CADM2: variants seen among roughly 807,000 people sequenced by gnomAD.
The protein encoded by CADM2 is immunoglobulin superfamily member 4D.
CADM2 carries 12 observed loss-of-function variants against 49.8 expected under a neutral mutation model. The observed-to-expected ratio is 0.24, with a 90% confidence interval of 0.15 to 0.39. The LOEUF is 0.39. Ranked by LOEUF, CADM2 falls within the 10% of genes least tolerant of loss-of-function variation. CADM2 has a pLI of 1.00. For missense variants in CADM2, 378 were observed against 492.3 expected (o/e 0.77, Z 2.20); for synonymous variants, 214 against 175.4 (o/e 1.22, Z -1.74).
intron 1 of CADM2, among the ~76,000 whole-genome samples, chr3:85,212,297 T>C (rs185867995): frequency 6.6e-6 from 1 of 152,280 alleles, no homozygotes. Context: ...AGTAAGGACA[T>C]ACTCCTGCCA....
At chr3:85,629,135 A>G (rs1576970817) in intron 1 of CADM2, among the ~76,000 whole-genome samples, 1 of 151,852 alleles carries the variant, frequency 6.6e-6, no homozygotes, top group South Asian at 2.1e-4. Context: ...CAGCTATTAT[A>G]TATGGTCATA....
chr3:85,003,174 A>C (rs1468180025), intron 1 of CADM2, among the ~76,000 whole-genome samples: 2 of 151,488 alleles, frequency 1.3e-5, no homozygotes, highest in African/African-American at 4.8e-5. Flanking sequence ...AAAAGGCCAA[A>C]TACTAAAAAT....
intron 1 of CADM2, among the ~76,000 whole-genome samples, chr3:85,143,138 A>G (rs2039627040): frequency 6.6e-6 from 1 of 152,184 alleles, no homozygotes; most frequent in Admixed American, 6.5e-5. Flanking sequence ...TTTAAAAAGT[A>G]TTTAGTATTA....
intron 8 of CADM2, among the ~76,000 whole-genome samples, chr3:85,977,411 T>C (rs550299610): frequency 2.0e-5 from 3 of 151,608 alleles, no homozygotes; most frequent in African/African-American, 7.2e-5. Flanking sequence ...TTCATAAATT[T>C]GATATACTTG....
intron 6 of CADM2, among the ~76,000 whole-genome samples, chr3:85,935,156 A>G (rs1289577049): frequency 3.9e-5 from 6 of 152,126 alleles, no homozygotes; most frequent in Non-Finnish European, 4.4e-5. Flanking sequence ...TCTAACAAAC[A>G]TGCAGTAGCA....
intron 1 of CADM2, among the ~76,000 whole-genome samples, chr3:85,235,460 T>C (rs1332165009): frequency 6.6e-6 from 1 of 152,134 alleles, no homozygotes; most frequent in Non-Finnish European, 1.5e-5. Context: ...ATTATAAATG[T>C]TCATGCTGTA....
chr3:85,615,049 A>T (rs933916408), intron 1 of CADM2, among the ~76,000 whole-genome samples: 2 of 151,904 alleles, frequency 1.3e-5, no homozygotes, highest in Non-Finnish European at 2.9e-5. Flanking sequence ...AAAATGTAAA[A>T]CTGAATGTGC....
At chr3:85,730,474 TAAA>T (rs2067884215) in intron 2 of CADM2, among the ~76,000 whole-genome samples, 1 of 137,736 alleles carries the variant, frequency 7.3e-6, no homozygotes, top group Non-Finnish European at 1.6e-5. Flanking sequence ...TAAAATAAAA[TAAA>T]ATATAAAAAA....
chr3:85,974,162 A>G (rs1559776443), intron 8 of CADM2, among the ~76,000 whole-genome samples: 1 of 151,732 alleles, frequency 6.6e-6, no homozygotes, highest in African/African-American at 2.4e-5. Flanking sequence ...TTAAAAGCTC[A>G]GAGAAGGAAG....
intron 1 of CADM2, among the ~76,000 whole-genome samples, chr3:84,999,698 C>T (rs1299419877): frequency 6.6e-6 from 1 of 152,126 alleles, no homozygotes; most frequent in Non-Finnish European, 1.5e-5. Context: ...TTTTTTAGTG[C>T]TCTGCACATG....
At chr3:85,764,537 A>C (rs2069556209) in intron 2 of CADM2, among the ~76,000 whole-genome samples, 1 of 152,116 alleles carries the variant, frequency 6.6e-6, no homozygotes, top group Non-Finnish European at 1.5e-5. Context: ...TCAAGTCTTT[A>C]GCACCAAGGA....
At position 85,052,981 on chromosome 3, in the gene CADM2, A is replaced by C. The variant is rs566502365; in HGVS notation, c.61+93313A>C. ...AATAGCTCATTTGGCTCTCAATGCA[A>C]AACTTTGGTTAATATGAAGAGACCA... On this transcript the variant is annotated intron_variant, in intron 1 of 9. Coordinates refer to ENST00000383699, the MANE Select transcript of CADM2 (RefSeq NM_001167675.2). Among the ~76,000 whole-genome samples the C allele has an allele frequency of 2.0e-5, 3 of 152,130 alleles. No individual in the cohort carries two copies. In the East Asian group the frequency reaches 5.8e-4, roughly 29 times the overall value.
At chr3:85,178,172 T>A (rs998028921) in intron 1 of CADM2, among the ~76,000 whole-genome samples, 1 of 151,944 alleles carries the variant, frequency 6.6e-6, no homozygotes, top group East Asian at 1.9e-4. Flanking sequence ...CCTTCATATA[T>A]ATGGGTTAAG....
chr3:86,011,345 T>C (rs949737294), intron 8 of CADM2, among the ~76,000 whole-genome samples: 1 of 152,180 alleles, frequency 6.6e-6, no homozygotes, highest in African/African-American at 2.4e-5. Context: ...GAAATCCATC[T>C]ATATAACTAA....
intron 8 of CADM2, among the ~76,000 whole-genome samples, chr3:85,964,993 A>C (rs146146116): frequency 9.3e-4 from 141 of 151,704 alleles, no homozygotes; most frequent in African/African-American, 3.2e-3. Context: ...CATGTGAAGA[A>C]CTAGGATCAA....
chr3:85,268,741 G>T (rs542740462), intron 1 of CADM2, among the ~76,000 whole-genome samples: 1 of 151,372 alleles, frequency 6.6e-6, no homozygotes, highest in East Asian at 1.9e-4. Context: ...CAAGCCTGGT[G>T]ATTTATCTCT....
intron 1 of CADM2, among the ~76,000 whole-genome samples, chr3:85,417,528 G>T (rs565199117): frequency 1.3e-5 from 2 of 152,268 alleles, no homozygotes; most frequent in East Asian, 3.9e-4. Flanking sequence ...GTTAAAAGAG[G>T]TGGGGATTCT....
chr3:85,111,627 G>T (rs893776436), intron 1 of CADM2, among the ~76,000 whole-genome samples: 1 of 149,546 alleles, frequency 6.7e-6, no homozygotes, highest in African/African-American at 2.5e-5. Flanking sequence ...GTATAGGGTT[G>T]TGGAGGAGGT....
intron 1 of CADM2, among the ~76,000 whole-genome samples, chr3:85,061,303 T>C (rs1025102265): frequency 6.6e-6 from 1 of 152,162 alleles, no homozygotes; most frequent in Non-Finnish European, 1.5e-5. Flanking sequence ...TTAAAAGTTA[T>C]ATGCAACAGT....
Sources: allele counts gnomAD v4.1 joint callset (sites outside exome capture counted in the v4.1 genomes callset), GRCh38; gene constraint gnomAD v4.1.1; transcripts MANE v1.5; gene names NCBI Gene and HGNC (gene_info 2026-07-23, HGNC 2026-07-21).